The following MAP3K21 variants were observed in gnomAD, a reference collection of about 807,000 sequenced individuals.
MAP3K21 encodes the protein mitogen-activated protein kinase kinase kinase MLK4.
A neutral mutation model predicts 86.1 loss-of-function variants in MAP3K21; 63 were observed. The ratio of observed to expected loss-of-function variants is 0.73; its 90% confidence interval spans 0.60 to 0.90. The LOEUF is 0.90. Ranked by LOEUF, MAP3K21 falls within the 40% of genes least tolerant of loss-of-function variation. The pLI, the probability that MAP3K21 is intolerant of heterozygous loss-of-function variation, is 0.00. For missense variants in MAP3K21, 1,220 were observed against 1,367.7 expected (o/e 0.89, Z 1.70); for synonymous variants, 558 against 564.8 (o/e 0.99, Z 0.17).
intron 2 of MAP3K21, among the ~76,000 whole-genome samples, chr1:233,350,092 T>C (rs558242043): frequency 4.7e-4 from 71 of 152,240 alleles, no homozygotes; most frequent in Non-Finnish European, 8.2e-4. Context: ...GTCCCTGATA[T>C]AAAAAGGCAT....
intron 5 of MAP3K21, among the ~76,000 whole-genome samples, chr1:233,369,220 C>CAAAAAAAAAAAAAAAAAA (rs35461412): frequency 9.5e-6 from 1 of 105,634 alleles, no homozygotes; most frequent in Non-Finnish European, 1.8e-5. Context: ...TAGTAAAATA[C>CAAAAAAAAAAAAAAAAAA]AAAAAAAAAA....
intron 1 of MAP3K21, among the ~76,000 whole-genome samples, chr1:233,342,853 G>T (rs1449369845): frequency 6.6e-6 from 1 of 152,070 alleles, no homozygotes; most frequent in African/African-American, 2.4e-5. Flanking sequence ...AGTAAGAATG[G>T]TAGCATGTTG....
At chr1:233,355,068 TATG>T in intron 4 of MAP3K21, 57 bp downstream of exon 4, 1 of 1,317,358 alleles carries the variant, frequency 7.6e-7, no homozygotes, top group Non-Finnish European at 1.1e-6. Context: ...CTATGGAAAA[TATG>T]AGGCAAGAAG....
intron 2 of MAP3K21, among the ~76,000 whole-genome samples, chr1:233,351,023 T>C (rs1663241847): frequency 6.6e-6 from 1 of 152,220 alleles, no homozygotes; most frequent in Non-Finnish European, 1.5e-5. Context: ...GAAGCAGAGT[T>C]ATATTGCTAT....
chr1:233,367,771 A>G (rs1663605666), intron 5 of MAP3K21, among the ~76,000 whole-genome samples: 1 of 151,886 alleles, frequency 6.6e-6, no homozygotes, highest in South Asian at 2.1e-4. Context: ...GAAGCAGGAG[A>G]ACTGTTTGAA....
At chr1:233,371,817 GATTCAT>G in intron 5 of MAP3K21, among the ~76,000 whole-genome samples, 1 of 150,686 alleles carries the variant, frequency 6.6e-6, no homozygotes, top group African/African-American at 2.5e-5. Context: ...TATAAGCTCT[GATTCAT>G]TATTTGTGTG....
chr1:233,372,962 A>G (rs935765034), intron 6 of MAP3K21: 1 of 152,140 alleles, frequency 6.6e-6, no homozygotes, highest in Non-Finnish European at 1.5e-5. Context: ...GAGAAAAAAA[A>G]AATCCAAAAG....
chr1:233,339,353 T>C (rs145590526), intron 1 of MAP3K21, among the ~76,000 whole-genome samples: 1,547 of 41,788 alleles, frequency 0.037, 352 homozygotes, highest in East Asian at 0.27. Flanking sequence ...CTCTTCTCCC[T>C]CTTCTCCTTC....
intron 5 of MAP3K21, among the ~76,000 whole-genome samples, chr1:233,364,268 G>A (rs1663525040): frequency 1.3e-5 from 2 of 152,142 alleles, no homozygotes; most frequent in Non-Finnish European, 2.9e-5. Context: ...GTCAGCCATA[G>A]AGAATAGACT....
In MAP3K21 at chr1:233,328,079, C is replaced by T. The variant is rs866341296; in HGVS notation, c.51C>T (p.Ala17=). 3.0e-6 allele frequency: 4 copies of T among 1,355,112 alleles called. No homozygotes were observed. Among genetic ancestry groups the T allele is most frequent in the Admixed American group, 3.8e-5 (1 of 26,196 alleles). 83.9% of individuals were successfully genotyped at this position (1,355,112 alleles called of 1,614,324 possible). The change falls in exon 1 of 10, where the codon GCC becomes GCT. Residue 17 remains alanine (A), a synonymous_variant. Coordinates refer to ENST00000366624, the MANE Select transcript of MAP3K21 (RefSeq NM_032435.3). This position sits in a 1 kb window ranked among gnomAD's most constrained non-coding sequence, Gnocchi z 8.7. ...CGACCGACACCCCGGTGTCCTCGGCCGGGGGAGCCCCCGGCGGCTCAGCGT... is the reference window on the plus strand; with the variant it reads ...CGACCGACACCCCGGTGTCCTCGGCTGGGGGAGCCCCCGGCGGCTCAGCGT... ...AGATDTPVSS[A]GGAPGGSASS...
rs142632952 is a variant in MAP3K21, at chr1:233,330,977, T to C, written c.805+2144T>C. Reference sequence around the variant, plus strand: ...TAAAGTTTTATAAACTTTTATAAAATATAAATGTTTAAAGAACTCCTAATA... The same window carrying C: ...TAAAGTTTTATAAACTTTTATAAAACATAAATGTTTAAAGAACTCCTAATA... On this transcript the variant is annotated intron_variant, in intron 1 of 9. Coordinates refer to ENST00000366624, the MANE Select transcript of MAP3K21 (RefSeq NM_032435.3). Among the ~76,000 whole-genome samples the C allele has an allele frequency of 9.9e-3, 1,506 of 152,286 alleles. 32 individuals carry two copies. Among genetic ancestry groups the C allele is most frequent in the African/African-American group, 0.034 (1,421 of 41,562 alleles).
At chr1:233,377,340 T>C (rs772131540) in intron 8 of MAP3K21, among the ~76,000 whole-genome samples, 1 of 152,206 alleles carries the variant, frequency 6.6e-6, no homozygotes, top group Non-Finnish European at 1.5e-5. Flanking sequence ...TTTGGTACTT[T>C]GATCAAATTA....
chr1:233,375,136 G>T (rs774458093), intron 6 of MAP3K21, among the ~76,000 whole-genome samples: 1 of 151,888 alleles, frequency 6.6e-6, no homozygotes, highest in African/African-American at 2.4e-5. Context: ...TGGAGACCGG[G>T]TTTCACCATG....
intron 4 of MAP3K21, among the ~76,000 whole-genome samples, chr1:233,358,329 A>G (rs1663402706): frequency 6.6e-6 from 1 of 152,152 alleles, no homozygotes; most frequent in Non-Finnish European, 1.5e-5. Context: ...TTTCTTGGAA[A>G]ACTGGCTGGA....
intron 1 of MAP3K21, among the ~76,000 whole-genome samples, chr1:233,339,268 C>CTTCTTCTTCTTCT (rs1390932387): frequency 2.5e-4 from 5 of 19,850 alleles, no homozygotes; most frequent in Admixed American, 6.7e-4. Flanking sequence ...CTTCTTCTTC[C>CTTCTTCTTCTTCT]TCTTCTTCTT....
chr1:233,359,972 T>C (rs1663436296), intron 4 of MAP3K21, among the ~76,000 whole-genome samples: 1 of 152,252 alleles, frequency 6.6e-6, no homozygotes, highest in Non-Finnish European at 1.5e-5. Flanking sequence ...TTTTGTTTAT[T>C]ATTCACAAAT....
In MAP3K21 at chr1:233,361,991, A is replaced by G. The variant is rs888654235; in HGVS notation, c.1312-62A>G. 3.4e-5 allele frequency: 53 copies of G among 1,574,342 alleles called. No homozygotes were observed. In the African/African-American group the frequency reaches 6.2e-4, roughly 18 times the overall value. On this transcript the variant is annotated intron_variant, in intron 4 of 9. Transcript: ENST00000366624. ...GCCGAGGGGTCGCCAGTGTAGTGTA[A>G]TAGACGGAATTCCCTTCTTCCTGCT...
At chr1:233,333,251 T>C (rs1294298) in intron 1 of MAP3K21, among the ~76,000 whole-genome samples, 118,341 of 152,162 alleles carry the variant, frequency 0.78, 46,293 homozygotes, top group East Asian at 0.99. Flanking sequence ...TCTGTTCTTA[T>C]ACTCAGGACA....
intron 5 of MAP3K21, among the ~76,000 whole-genome samples, chr1:233,369,220 C>CAAAAAAAAAAAAAAAAA (rs35461412): frequency 9.5e-6 from 1 of 105,580 alleles, no homozygotes; most frequent in Non-Finnish European, 1.8e-5. Context: ...TAGTAAAATA[C>CAAAAAAAAAAAAAAAAA]AAAAAAAAAA....
Sources: allele counts gnomAD v4.1 joint callset (sites outside exome capture counted in the v4.1 genomes callset), GRCh38; gene constraint gnomAD v4.1.1; non-coding constraint Gnocchi (gnomAD v3.1); transcripts MANE v1.5; gene names NCBI Gene and HGNC (gene_info 2026-07-23, HGNC 2026-07-21).